Variants in DNM1L observed in about 807,000 individuals in gnomAD.
DNM1L encodes the protein dynamin 1L.
In DNM1L, 33 loss-of-function variants were observed where a neutral mutation model predicts 92.8. The ratio of observed to expected loss-of-function variants is 0.36; its 90% CI spans 0.27 to 0.48. The LOEUF (loss-of-function observed/expected upper bound fraction) is 0.48, where lower values mean the gene tolerates loss of function less well. Among genes scored for constraint, DNM1L ranks in the 20% least tolerant of loss-of-function variants. The pLI is 0.99. For missense variants in DNM1L, 485 were observed against 888.8 expected (o/e 0.55, Z 5.78); for synonymous variants, 284 against 305.0 (o/e 0.93, Z 0.72).
chr12:32,740,298 CG>C (rs1955198424), intron 17 of DNM1L, 58 bp downstream of exon 17: 1 of 1,612,188 alleles, frequency 6.2e-7, no homozygotes, highest in African/African-American at 1.3e-5. Flanking sequence ...AGTAGGAAAA[CG>C]ATTAGACAGA....
intron 1 of DNM1L, among the ~76,000 whole-genome samples, chr12:32,697,249 CACAA>C (rs1952506526): frequency 6.6e-6 from 1 of 151,952 alleles, no homozygotes; most frequent in Non-Finnish European, 1.5e-5. Context: ...AAATAAAAGT[CACAA>C]ACAATATGCT....
chr12:32,717,375 CTA>C (rs1222690867), intron 6 of DNM1L, among the ~76,000 whole-genome samples: 1 of 60,400 alleles, frequency 1.7e-5, no homozygotes, highest in Non-Finnish European at 2.9e-5. Context: ...AATATATATA[CTA>C]TATATAATAT....
chr12:32,738,358 A>G (rs1955047303), intron 16 of DNM1L, 62 bp downstream of exon 16: 1 of 1,567,748 alleles, frequency 6.4e-7, no homozygotes, highest in African/African-American at 1.3e-5. Flanking sequence ...AACACTGTCT[A>G]TACCACCATT....
rs569043825 is a variant in DNM1L at position 32,685,432 on chromosome 12, C to T, written c.102+5967C>T. On this transcript the variant is annotated intron_variant, in intron 1 of 19. Transcript: ENST00000549701. ...CTGGAGTGCTGTGGCGCTATCTTGG[C>T]TTACCGCAACCTCTGCCTCCCAGGC... Among the ~76,000 whole-genome samples, 24 of 141,850 alleles carry T rather than the reference C, an allele frequency of 1.7e-4. 1 individual carries two copies. Among genetic ancestry groups the T allele is most frequent in the African/African-American group, 5.6e-4 (21 of 37,702 alleles). The allele number at this position is 141,850 out of a possible 152,430, so 93.1% of individuals were successfully genotyped here. A position where few individuals can be genotyped will look rare whatever the true frequency, so the allele number is the denominator to read the frequency against.
chr12:32,686,752 A>G (rs1444930259), intron 1 of DNM1L, among the ~76,000 whole-genome samples: 2 of 152,158 alleles, frequency 1.3e-5, no homozygotes, highest in African/African-American at 2.4e-5. Flanking sequence ...CCCACCAGCA[A>G]TGTTTGAAGG....
intron 1 of DNM1L, among the ~76,000 whole-genome samples, chr12:32,687,783 A>T (rs1306585824): frequency 1.3e-5 from 2 of 151,588 alleles, no homozygotes; most frequent in African/African-American, 2.4e-5. Context: ...TTATTTCTGG[A>T]TTCTCAGTTC....
At chr12:32,718,571 A>G in intron 6 of DNM1L, 72 bp from the exon 7 acceptor site, 2 of 1,589,024 alleles carry the variant, frequency 1.3e-6, no homozygotes, top group African/African-American at 1.3e-5. Context: ...TCCTTTATTA[A>G]CACTAAATAG....
chr12:32,699,751 G>GCA (rs1952618630), intron 1 of DNM1L, among the ~76,000 whole-genome samples: 1 of 132,448 alleles, frequency 7.6e-6, no homozygotes, highest in African/African-American at 2.9e-5. Flanking sequence ...CCAAGATGGT[G>GCA]CCACTGCACT....
intron 9 of DNM1L, among the ~76,000 whole-genome samples, chr12:32,730,548 T>C (rs2137517456): frequency 6.6e-6 from 1 of 152,334 alleles, no homozygotes; most frequent in South Asian, 2.1e-4. Flanking sequence ...ACATATTGTC[T>C]ATGGCTGCTT....
intron 2 of DNM1L, among the ~76,000 whole-genome samples, chr12:32,702,233 C>CAA (rs1179046487): frequency 0.14 from 11,491 of 80,856 alleles, 714 homozygotes; most frequent in Non-Finnish European, 0.17. Context: ...GACTCCGTCT[C>CAA]AAAAAAAAAA....
At chr12:32,739,119 T>C (rs1438636834) in intron 16 of DNM1L, among the ~76,000 whole-genome samples, 1 of 152,014 alleles carries the variant, frequency 6.6e-6, no homozygotes, top group Non-Finnish European at 1.5e-5. Context: ...ATACTACTTA[T>C]ATTTAAATGT....
At chr12:32,681,611 C>T (rs114427876) in intron 1 of DNM1L, among the ~76,000 whole-genome samples, 19,277 of 144,586 alleles carry the variant, frequency 0.13, 1,446 homozygotes, top group Middle Eastern at 0.17. Context: ...CCCGCCCCCG[C>T]CTTTTTTGTA....
rs1042351027 is a variant in DNM1L, at chr12:32,709,191, A to T, written c.369+967A>T. On this transcript the variant is annotated intron_variant, in intron 4 of 19. Coordinates refer to ENST00000549701, the MANE Select transcript of DNM1L (RefSeq NM_012062.5). ...CCTTTGAGCTACTGCTACTGTTGCC[A>T]TACTTTCCTGAATTTCTAGTAACCA... is the stretch of plus-strand genomic sequence containing the variant. Among the ~76,000 whole-genome samples, 23 of 152,176 alleles carry T rather than the reference A, an allele frequency of 1.5e-4. 1 individual carries two copies. Among genetic ancestry groups the T allele is most frequent in the African/African-American group, 4.6e-4 (19 of 41,444 alleles).
Position 32,744,666 on chromosome 12 carries a change from T to TC in DNM1L, c.*1257dup, listed in dbSNP as rs1231880329. 9 of 342,094 alleles carry TC rather than the reference T, an allele frequency of 2.6e-5. No homozygotes were observed. Among genetic ancestry groups the TC allele is most frequent in the East Asian group, 8.9e-5 (1 of 11,206 alleles). The allele number at this position is 342,094 out of a possible 1,614,324, so 21.2% of individuals were successfully genotyped here. A position where few individuals can be genotyped will look rare whatever the true frequency, so the allele number is the denominator to read the frequency against. On this transcript the variant is annotated 3_prime_UTR_variant, in exon 20 of 20. Transcript: ENST00000549701. Reference sequence around the variant, plus strand: ...AGGTGGAGGTTGTGGTGAGCTAAGATCGTGCCATTGCACTCCAGCCTTGGC... The same window carrying TC: ...AGGTGGAGGTTGTGGTGAGCTAAGATCCGTGCCATTGCACTCCAGCCTTGGC...
intron 6 of DNM1L, among the ~76,000 whole-genome samples, chr12:32,717,983 ATAG>A (rs367866265): frequency 0.11 from 11,469 of 105,674 alleles, 830 homozygotes; most frequent in African/African-American, 0.15. Flanking sequence ...TATAGTATAT[ATAG>A]TATGTATAGT....
chr12:32,694,854 A>C (rs1952376232), intron 1 of DNM1L, among the ~76,000 whole-genome samples: 1 of 152,178 alleles, frequency 6.6e-6, no homozygotes, highest in Non-Finnish European at 1.5e-5. Context: ...AAAGGCAATC[A>C]CTGGAAAGCT....
chr12:32,687,680 C>T (rs1952075383), intron 1 of DNM1L, among the ~76,000 whole-genome samples: 1 of 151,994 alleles, frequency 6.6e-6, no homozygotes, highest in African/African-American at 2.4e-5. Flanking sequence ...GAACTCCTGA[C>T]CTCAGGTGAT....
At chr12:32,733,486 C>A (rs958578532) in intron 12 of DNM1L, 1 of 486,614 alleles carries the variant, frequency 2.1e-6, no homozygotes, top group Admixed American at 3.7e-5. Context: ...GTTATTTTTC[C>A]CTCTTAGAAA....
rs1954566910 is a variant in DNM1L at position 32,731,753 on chromosome 12, C to T, written c.1357-101C>T. 1.9e-6 allele frequency: 2 copies of T among 1,072,840 alleles called. No individual in the cohort carries two copies. Among genetic ancestry groups the T allele is most frequent in the African/African-American group, 1.6e-5 (1 of 63,628 alleles). The allele number at this position is 1,072,840 out of a possible 1,614,324, so 66.5% of individuals were successfully genotyped here. On this transcript the variant is annotated intron_variant, in intron 11 of 19. Transcript: ENST00000549701. This position sits in a 1 kb window ranked among gnomAD's most constrained non-coding sequence, Gnocchi z 5.1. ...GCATGGTGGCTTCTACATGTAGTCT[C>T]AGCTACTTGGGAGGCTAAGGTGGGA...
Sources: allele counts gnomAD v4.1 joint callset (sites outside exome capture counted in the v4.1 genomes callset), GRCh38; gene constraint gnomAD v4.1.1; non-coding constraint Gnocchi (gnomAD v3.1); transcripts MANE v1.5; gene names NCBI Gene and HGNC (gene_info 2026-07-23, HGNC 2026-07-21).